Variants in IGSF9 observed in about 807,000 individuals in gnomAD.
IGSF9 encodes protein turtle homolog A.
Under a neutral mutation model 121.7 loss-of-function variants are expected in IGSF9, and 87 were observed. The observed-to-expected ratio is 0.71, with a 90% CI of 0.60 to 0.85. The LOEUF is 0.85. Among genes scored for constraint, IGSF9 ranks in the 40% least tolerant of loss-of-function variants. The probability of loss-of-function intolerance (pLI) is 0.00; values close to 1 mark genes in which losing one functional copy is unlikely to be tolerated. For missense variants in IGSF9, 1,462 were observed against 1,565.3 expected (o/e 0.93, Z 1.11); for synonymous variants, 640 against 648.4 (o/e 0.99, Z 0.20).
intron 3 of IGSF9, among the ~76,000 whole-genome samples, chr1:159,939,191 T>TTGC (rs1272881220): frequency 6.6e-6 from 1 of 152,150 alleles, no homozygotes; most frequent in Non-Finnish European, 1.5e-5. Context: ...CTACATCACA[T>TTGC]TGCTCATCCC....
At position 159,927,531 on chromosome 1, in the gene IGSF9, A is replaced by G; in HGVS notation, c.3359-5T>C. 6.2e-7 allele frequency: 1 copy of G among 1,609,994 alleles called. No homozygotes were observed. Among genetic ancestry groups the G allele is most frequent in the South Asian group, 1.1e-5 (1 of 90,932 alleles). ...CCTCCTCTGGAGTCTTCACACCTGC[A>G]AGAGGCGGGCAGGACAATGAGAAGA... On this transcript the variant is annotated splice_polypyrimidine_tract_variant and splice_region_variant and intron_variant, in intron 20 of 20. Transcript: ENST00000368094.
At position 159,928,236 on chromosome 1, in the gene IGSF9, G is replaced by A. The variant is rs1427224447; in HGVS notation, c.3152C>T (p.Ala1051Val). 1 of 1,613,144 alleles carries A rather than the reference G, an allele frequency of 6.2e-7. No individual in the cohort carries two copies. Among genetic ancestry groups the A allele is most frequent in the Non-Finnish European group, 8.5e-7 (1 of 1,179,922 alleles). The change falls in exon 19 of 21, where the codon GCT becomes GTT. Residue 1051 changes from alanine to valine, a missense_variant. Physicochemically the swap from Ala to Val is moderately conservative, Grantham distance 64 (BLOSUM62 0). Coordinates refer to ENST00000368094, the MANE Select transcript of IGSF9 (RefSeq NM_001135050.2). Reference sequence around the variant, plus strand: ...GGCCCAGCTGCTGGTGTCTCCTGGAGCAGGGCTGAGGTAGCTGCCTCCTGC... The same window carrying A: ...GGCCCAGCTGCTGGTGTCTCCTGGAACAGGGCTGAGGTAGCTGCCTCCTGC... ...PSAGGSYLSP[A>V]PGDTSSWASG...
At chr1:159,934,149 C>G in intron 9 of IGSF9, 41 bp downstream of exon 9, 1 of 1,582,734 alleles carries the variant, frequency 6.3e-7, no homozygotes, top group Non-Finnish European at 8.6e-7. Context: ...AGCAGAATAA[C>G]GCCAAGCTAA....
Position 159,932,977 on chromosome 1 carries a change from C to G in IGSF9, c.1105-325G>C, listed in dbSNP as rs1266738027. On this transcript the variant is annotated intron_variant, in intron 9 of 20. Transcript: ENST00000368094. The surrounding 1 kb of genome is among the most constrained non-coding windows in gnomAD (Gnocchi z 4.1). ...TTCACCTGGCTCTCTTCCCAGCACT[C>G]CACAACTAAGTTCAGAGTCTTCCAC... 8.4e-6 allele frequency: 2 copies of G among 237,066 alleles called. No homozygotes were observed. Among genetic ancestry groups the G allele is most frequent in the Non-Finnish European group, 1.6e-5 (2 of 122,480 alleles). The allele number at this position is 237,066 out of a possible 1,614,324, so 14.7% of individuals were successfully genotyped here. A position where few individuals can be genotyped will look rare whatever the true frequency, so the allele number is the denominator to read the frequency against.
At chr1:159,934,041 A>G (rs1221473151) in intron 9 of IGSF9, 149 bp downstream of exon 9, 8 of 959,192 alleles carry the variant, frequency 8.3e-6, no homozygotes, top group Admixed American at 5.2e-5. Flanking sequence ...GTAGTTTCCT[A>G]TGCAACATGT....
chr1:159,942,705 C>T (rs887974229), intron 3 of IGSF9, among the ~76,000 whole-genome samples: 1 of 151,916 alleles, frequency 6.6e-6, no homozygotes, highest in Non-Finnish European at 1.5e-5. Context: ...TTGGAACAGA[C>T]CACGTGGAGT....
chr1:159,937,869 G>A (rs376559194), intron 3 of IGSF9, 31 bp from the exon 4 acceptor site: 2 of 1,602,232 alleles, frequency 1.2e-6, no homozygotes, highest in Non-Finnish European at 1.7e-6. Flanking sequence ...CAAGGGTGCT[G>A]AAGGAACCCC....
In IGSF9 at chr1:159,927,746, G is replaced by T. The variant is rs1236535051; in HGVS notation, c.3358+14C>A. 4.7e-5 allele frequency: 75 copies of T among 1,610,066 alleles called. No homozygotes were observed. Among genetic ancestry groups the T allele is most frequent in the Non-Finnish European group, 6.1e-5 (72 of 1,178,584 alleles). Reference sequence around the variant, plus strand: ...TATGGCCGAGATGCCTGCCTTTCCGGGGGGCTCACACACCTAGCTCTGGCT... The same window carrying T: ...TATGGCCGAGATGCCTGCCTTTCCGTGGGGCTCACACACCTAGCTCTGGCT... On this transcript the variant is annotated intron_variant, in intron 20 of 20. Coordinates refer to ENST00000368094, the MANE Select transcript of IGSF9 (RefSeq NM_001135050.2).
Position 159,927,409 on chromosome 1 carries a change from G to A in IGSF9, c.3476C>T (p.Thr1159Ile). The change falls in exon 21 of 21, where the codon ACT (threonine) becomes ATT (isoleucine). Residue 1159 changes from threonine to isoleucine, a missense_variant. By Grantham distance (89) the Thr-to-Ile change is moderately conservative (BLOSUM62 -1). Around this residue, in one of 3 missense-constraint regions of IGSF9, gnomAD observed 808 missense variants for 815.2 expected, o/e 0.99. Transcript: ENST00000368094. ...FLAFRRRRDA[T>I]RARLPAYRQP... The stretch of plus-strand genomic sequence containing the variant: ...TCGATAGGCTGGTAGCCGAGCCCTA[G>A]TAGCATCTCGGCGGCGGCGGAAGGC... The A allele has an allele frequency of 6.2e-7, 1 of 1,614,058 alleles. No individual in the cohort carries two copies. Among genetic ancestry groups the A allele is most frequent in the Non-Finnish European group, 8.5e-7 (1 of 1,180,032 alleles).
intron 3 of IGSF9, 122 bp from the exon 4 acceptor site, chr1:159,937,960 T>G (rs1005163806): frequency 1.8e-6 from 2 of 1,097,144 alleles, no homozygotes; most frequent in Non-Finnish European, 2.6e-6. Flanking sequence ...ACTCTGAGTG[T>G]GGGGTCCAGA....
rs199644740 is a variant in IGSF9, at chr1:159,942,935, C to T, written c.247+28G>A. 139 of 1,599,900 alleles carry T rather than the reference C, an allele frequency of 8.7e-5. 1 individual carries two copies. Among genetic ancestry groups the T allele is most frequent in the Middle Eastern group, 1.7e-4 (1 of 6,018 alleles). The stretch of plus-strand genomic sequence containing the variant: ...GCCCACCTTTCTTGCTGATACCTCC[C>T]TACCTCCCACCTGAGGAGAACTCTT... On this transcript the variant is annotated intron_variant, in intron 3 of 20. Coordinates refer to ENST00000368094, the MANE Select transcript of IGSF9 (RefSeq NM_001135050.2).
At chr1:159,930,160 C>A (rs372714552) in intron 15 of IGSF9, 29 bp downstream of exon 15, 60 of 1,575,194 alleles carry the variant, frequency 3.8e-5, no homozygotes, top group Admixed American at 1.8e-5. Context: ...CCCTAGGAGG[C>A]CTCTCTCTGT....
chr1:159,934,285 C>T lies in IGSF9; in HGVS notation c.1009G>A (p.Gly337Ser). The change falls in exon 9 of 21, where the codon GGC becomes AGC. Residue 337 changes from glycine (G) to serine (S), a missense_variant. By Grantham distance (56) the Gly-to-Ser change is moderately conservative (BLOSUM62 0). Transcript: ENST00000368094. Reference sequence around the variant, plus strand: ...GGGCAGCGGATCACCCCCGGCATGCCTATGGGCAGGGGTGTCTCAGGAGGC... The same window carrying T: ...GGGCAGCGGATCACCCCCGGCATGCTTATGGGCAGGGGTGTCTCAGGAGGC... ...AMPPETPLPI[G>S]MPGVIRCPVR... 3.1e-6 allele frequency: 5 copies of T among 1,612,304 alleles called. No homozygotes were observed. The highest frequency in any genetic ancestry group is 4.2e-6 in the Non-Finnish European group (5 of 1,179,180).
rs780980466 is a variant in IGSF9 at position 159,929,639 on chromosome 1, T to C, written c.2325A>G (p.Gln775=). The C allele has an allele frequency of 5.6e-6, 9 of 1,593,984 alleles. No individual in the cohort carries two copies. The highest frequency in any genetic ancestry group is 7.7e-6 in the Non-Finnish European group (9 of 1,171,602). The part of the protein sequence containing the change: ...AARRRRKRLR[Q]DPPLIFSPTG... ...AGGGCTGAGGGTGGAGGGACTTACC[T>C]TGGCGGAGGCGCTTGCGGCGGCGGC... The change falls in exon 17 of 21, where the codon CAA becomes CAG. Residue 775 remains glutamine (Q), a splice_region_variant and synonymous_variant. Transcript: ENST00000368094.
At chr1:159,937,942 TC>T in intron 3 of IGSF9, 104 bp from the exon 4 acceptor site, 1 of 1,230,194 alleles carries the variant, frequency 8.1e-7, no homozygotes. Context: ...GCTCAGTCTC[TC>T]CCAGTTACTC....
intron 3 of IGSF9, among the ~76,000 whole-genome samples, chr1:159,940,599 C>A (rs1458909761): frequency 6.6e-6 from 1 of 152,220 alleles, no homozygotes; most frequent in Non-Finnish European, 1.5e-5. Context: ...GTCCACACAT[C>A]CACAAAGAAG....
In IGSF9 at chr1:159,932,797, T is replaced by C. The variant is rs1651043234; in HGVS notation, c.1105-145A>G. 2.8e-6 allele frequency: 2 copies of C among 721,924 alleles called. No homozygotes were observed. The highest frequency in any genetic ancestry group is 2.0e-5 in the South Asian group (1 of 49,670). 44.7% of individuals were successfully genotyped at this position (721,924 alleles called of 1,614,324 possible). On this transcript the variant is annotated intron_variant, in intron 9 of 20. Transcript: ENST00000368094. This position sits in a 1 kb window ranked among gnomAD's most constrained non-coding sequence, Gnocchi z 4.1. ...TCCATGTCTAGGCCTGACCCCTCTCTGATTTCCAGTGCTTCCTTTCCTTCC... is the reference window on the plus strand; with the variant it reads ...TCCATGTCTAGGCCTGACCCCTCTCCGATTTCCAGTGCTTCCTTTCCTTCC...
chr1:159,943,056 G>T lies in IGSF9; in HGVS notation c.154C>A (p.Leu52Met). ...DLLPPAGRPPLHVIEWLRFGF... is the reference protein window; with the variant it reads ...DLLPPAGRPPMHVIEWLRFGF... ...AAGCGCAGCCACTCGATGACATGCA[G>T]GGGGGGCCGGCCGGCCGGGGGCAGC... The change falls in exon 3 of 21, where the codon CTG (leucine) becomes ATG (methionine). Residue 52 changes from leucine to methionine, a missense_variant. By Grantham distance (15) the Leu-to-Met change is conservative. Coordinates refer to ENST00000368094, the MANE Select transcript of IGSF9 (RefSeq NM_001135050.2). 2 of 1,611,608 alleles carry T rather than the reference G, an allele frequency of 1.2e-6. No homozygotes were observed. Among genetic ancestry groups the T allele is most frequent in the Non-Finnish European group, 1.7e-6 (2 of 1,178,806 alleles).
In IGSF9 at chr1:159,936,487, C is replaced by T. The variant is rs1254433774; in HGVS notation, c.585G>A (p.Arg195=). The change falls in exon 6 of 21, where the codon CGG becomes CGA. Residue 195 remains arginine (R), a synonymous_variant. Coordinates refer to ENST00000368094, the MANE Select transcript of IGSF9 (RefSeq NM_001135050.2). Reference sequence around the variant, plus strand: ...AGACCCCAGAGCTGCCTCGCTCTACCCGGCGGATCCGCAGCGTCCCGTTCT... The same window carrying T: ...AGACCCCAGAGCTGCCTCGCTCTACTCGGCGGATCCGCAGCGTCCCGTTCT... ...QVQNGTLRIR[R]VERGSSGVYT... 2.5e-6 allele frequency: 4 copies of T among 1,613,976 alleles called. No homozygotes were observed. Among genetic ancestry groups the T allele is most frequent in the Non-Finnish European group, 3.4e-6 (4 of 1,179,986 alleles).
Sources: allele counts gnomAD v4.1 joint callset (sites outside exome capture counted in the v4.1 genomes callset), GRCh38; gene constraint gnomAD v4.1.1; regional missense constraint gnomAD v4.1.1; non-coding constraint Gnocchi (gnomAD v3.1); transcripts MANE v1.5; gene names NCBI Gene and HGNC (gene_info 2026-07-23, HGNC 2026-07-21).